GLB1: variants seen among roughly 807,000 people sequenced by gnomAD.
The protein encoded by GLB1 is galactosidase beta 1.
Under a neutral mutation model 74.0 loss-of-function variants are expected in GLB1, and 56 were observed. The observed-to-expected ratio is 0.76, with a 90% CI of 0.61 to 0.94. The LOEUF (loss-of-function observed/expected upper bound fraction) is 0.94. Among genes scored for constraint, GLB1 ranks in the 40% least tolerant of loss-of-function variants. The probability of loss-of-function intolerance (pLI) is 0.00; values close to 1 mark genes in which losing one functional copy is unlikely to be tolerated. For missense variants in GLB1, 787 were observed against 845.5 expected, an observed-to-expected ratio of 0.93 and a Z score of 0.86; for synonymous variants, 323 against 323.6, an observed-to-expected ratio of 1.00 and a Z score of 0.02.
chr3:32,986,572 G>T, the GLB1 span, among the ~76,000 whole-genome samples: 7 of 150,850 alleles, frequency 4.6e-5, no homozygotes, highest in African/African-American at 1.7e-4. Context: ...CTTAGTTCTG[G>T]CCATCTACAT....
chr3:32,971,741 C>T, the GLB1 span, among the ~76,000 whole-genome samples: 1 of 152,204 alleles, frequency 6.6e-6, no homozygotes, highest in Non-Finnish European at 1.5e-5. Context: ...TGGAGAAACG[C>T]CCAGAACGAC....
the GLB1 span, among the ~76,000 whole-genome samples, chr3:32,965,611 C>T: frequency 6.6e-6 from 1 of 152,156 alleles, no homozygotes; most frequent in African/African-American, 2.4e-5. Context: ...GAACTCCAAG[C>T]CTGCTGCAGA....
chr3:33,076,934 A>G (rs1700130208), intron 1 of GLB1, among the ~76,000 whole-genome samples: 1 of 152,198 alleles, frequency 6.6e-6, no homozygotes, highest in South Asian at 2.1e-4. Flanking sequence ...TTAATTAAAT[A>G]CAGAAGGGCC....
intron 1 of GLB1, chr3:33,090,644 G>T (rs1031547953): frequency 1.0e-6 from 1 of 985,460 alleles, no homozygotes; most frequent in African/African-American, 1.7e-5. Flanking sequence ...GTTTAAGAAT[G>T]TTGAACAAAG....
chr3:33,090,454 G>C (rs1398002819), intron 1 of GLB1: 16 of 985,292 alleles, frequency 1.6e-5, no homozygotes, highest in Non-Finnish European at 1.8e-5. Context: ...TCAATTTATT[G>C]AGATTTTGTG....
At chr3:33,089,710 T>C (rs1368470224) in intron 1 of GLB1, among the ~76,000 whole-genome samples, 6 of 152,104 alleles carry the variant, frequency 3.9e-5, no homozygotes, top group African/African-American at 7.2e-5. Context: ...GTCAAATTCA[T>C]AGAAACAGAA....
chr3:32,976,428 C>A, the GLB1 span, among the ~76,000 whole-genome samples: 1 of 152,198 alleles, frequency 6.6e-6, no homozygotes, highest in Non-Finnish European at 1.5e-5. Context: ...ACACAACCCA[C>A]ACTGTGTTGC....
intron 9 of GLB1, 84 bp from the exon 10 acceptor site, chr3:33,046,316 TAG>T (rs1698738554): frequency 1.3e-5 from 20 of 1,511,564 alleles, no homozygotes; most frequent in Non-Finnish European, 1.8e-5. Context: ...CTCAGCACTG[TAG>T]AGAGAGAAAA....
At chr3:32,979,531 A>G in the GLB1 span, among the ~76,000 whole-genome samples, 1 of 150,044 alleles carries the variant, frequency 6.7e-6, no homozygotes, top group Non-Finnish European at 1.5e-5. Context: ...TTTTTTTTTC[A>G]TAAGAAAGGG....
intron 2 of GLB1, 58 bp downstream of exon 2, chr3:33,072,486 T>C (rs1699920515): frequency 6.2e-7 from 1 of 1,609,470 alleles, no homozygotes; most frequent in Admixed American, 1.7e-5. Flanking sequence ...TACAGTTGTA[T>C]CTTCTCTCCA....
chr3:33,010,069 T>G (rs1171540729), intron 15 of GLB1, among the ~76,000 whole-genome samples: 1 of 152,208 alleles, frequency 6.6e-6, no homozygotes, highest in African/African-American at 2.4e-5. Flanking sequence ...GCATGTAAGT[T>G]TTTATGTGAA....
chr3:33,080,164 C>CA (rs1491274076), intron 1 of GLB1, among the ~76,000 whole-genome samples: 1 of 151,898 alleles, frequency 6.6e-6, no homozygotes, highest in Non-Finnish European at 1.5e-5. Context: ...AGTGCAATGG[C>CA]ACAGTCTCAG....
At chr3:33,065,891 C>T (rs1425802507) in intron 4 of GLB1, among the ~76,000 whole-genome samples, 1 of 145,740 alleles carries the variant, frequency 6.9e-6, no homozygotes, top group African/African-American at 2.5e-5. Context: ...TGCTTGAACC[C>T]GGGGGGGCGG....
intron 3 of GLB1, 82 bp downstream of exon 3, chr3:33,068,738 G>C (rs541920336): frequency 1.9e-6 from 3 of 1,609,598 alleles, no homozygotes; most frequent in African/African-American, 2.7e-5. Flanking sequence ...TGGAATGCAG[G>C]TCTGCTTTAA....
chr3:33,045,678 G>A, intron 10 of GLB1: 1 of 1,022,688 alleles, frequency 9.8e-7, no homozygotes, highest in Non-Finnish European at 1.2e-6. Flanking sequence ...CTCAAGGATA[G>A]GGGCTCCCAT....
At chr3:33,046,369 G>T (rs570628027) in intron 9 of GLB1, 137 bp from the exon 10 acceptor site, 1 of 984,270 alleles carries the variant, frequency 1.0e-6, no homozygotes, top group Non-Finnish European at 1.5e-6. Context: ...AGACACAGAC[G>T]TGACCCTCAG....
At chr3:32,999,491 T>C (rs924791245) in intron 15 of GLB1, among the ~76,000 whole-genome samples, 2 of 152,162 alleles carry the variant, frequency 1.3e-5, no homozygotes, top group Non-Finnish European at 2.9e-5. Flanking sequence ...TGGTCCTTTC[T>C]CAAACCTCAA....
the GLB1 span, among the ~76,000 whole-genome samples, chr3:32,971,349 C>G: frequency 0.013 from 1,959 of 152,288 alleles, 37 homozygotes; most frequent in African/African-American, 0.044. Context: ...TGCATCCAAC[C>G]CTGCAATTCC....
At chr3:33,096,907 G>A in intron 1 of GLB1, 104 bp downstream of exon 1, 1 of 1,518,976 alleles carries the variant, frequency 6.6e-7, no homozygotes, top group East Asian at 2.7e-5. Context: ...TCGGGGCTCA[G>A]GCTCCCCGCC....
Sources: gnomAD v4.1 joint callset for allele counts (sites outside exome capture counted in the v4.1 genomes callset) on GRCh38, gnomAD v4.1.1 for gene constraint, MANE v1.5 for transcripts, NCBI Gene and HGNC (gene_info 2026-07-23, HGNC 2026-07-21) for gene names.